Variants in MSH6 observed in about 807,000 individuals in gnomAD.
MSH6 encodes the protein DNA mismatch repair protein Msh6.
In MSH6, 85 loss-of-function variants were observed where a neutral mutation model predicts 119.1. That is an observed-to-expected ratio of 0.71 (90% CI 0.60 to 0.85). The LOEUF (loss-of-function observed/expected upper bound fraction) is 0.85. Among genes scored for constraint, MSH6 ranks in the 40% least tolerant of loss-of-function variants. The pLI is 0.00. For missense variants in MSH6, 2,163 were observed against 1,655.3 expected, an observed-to-expected ratio of 1.31 and a Z score of -5.32; for synonymous variants, 830 against 586.9, an observed-to-expected ratio of 1.41 and a Z score of -5.99.
downstream of MSH6, chr2:47,808,533 C>T (rs1558399630): frequency 6.1e-6 from 6 of 979,680 alleles, no homozygotes; most frequent in East Asian, 5.2e-5. Flanking sequence ...AGGACCAAAA[C>T]AAAATTCTTT....
At chr2:47,788,906 CCTTTTTTTTTTTTTTGTTTTTTTT>C (rs1425801261) in intron 1 of MSH6, among the ~76,000 whole-genome samples, 19 of 15,836 alleles carry the variant, frequency 1.2e-3, no homozygotes, top group East Asian at 2.5e-3. Context: ...CTTTCTTCTT[CCTTTTTTTTTTTTTTGTTTTTTTT>C]TTTTTTTTTT....
intron 4 of MSH6, among the ~76,000 whole-genome samples, chr2:47,802,534 G>C (rs1047831997): frequency 6.6e-6 from 1 of 151,026 alleles, no homozygotes; most frequent in Admixed American, 6.6e-5. Context: ...TTTTTCCCGT[G>C]TTGGCCAGGC....
chr2:47,789,456 A>C (rs1308130691), intron 1 of MSH6: 1 of 462,160 alleles, frequency 2.2e-6, no homozygotes, highest in South Asian at 1.7e-5. Flanking sequence ...AACAAATGGA[A>C]GACATTATTT....
Position 47,799,369 on chromosome 2 carries a change from T to G in MSH6, c.1386T>G (p.Pro462=), listed in dbSNP as rs786202869. The change falls in exon 4 of 10, where the codon CCT becomes CCG. Residue 462 remains proline (P), a synonymous_variant. Transcript: ENST00000234420. ...GCAACTGGGCCCATTCTGGCTTTCC[T>G]GAAATTGCATTTGGCCGTTATTCAG... ...MKGNWAHSGF[P]EIAFGRYSDS... 1.2e-6 allele frequency: 2 copies of G among 1,614,166 alleles called. No individual in the cohort carries two copies. The highest frequency in any genetic ancestry group is 2.2e-5 in the South Asian group (2 of 91,084).
intron 1 of MSH6, among the ~76,000 whole-genome samples, chr2:47,785,259 G>A (rs1427756097): frequency 6.6e-6 from 1 of 152,010 alleles, no homozygotes; most frequent in African/African-American, 2.4e-5. Context: ...ATGGAGTCTC[G>A]CTCTGTCGCC....
chr2:47,783,779 G>T, intron 1 of MSH6: 1 of 530,906 alleles, frequency 1.9e-6, no homozygotes. Context: ...GTCCCGCCAG[G>T]TGGGGGTGCT....
downstream of MSH6, chr2:47,806,982 T>G: frequency 2.6e-6 from 2 of 771,898 alleles, no homozygotes; most frequent in Non-Finnish European, 4.4e-6. Flanking sequence ...TCTAGGAAAT[T>G]AAACCCTTTT....
At chr2:47,786,729 T>TC (rs1444227582) in intron 1 of MSH6, among the ~76,000 whole-genome samples, 22 of 152,116 alleles carry the variant, frequency 1.4e-4, no homozygotes, top group Admixed American at 3.9e-4. Flanking sequence ...CTTTTTTTTT[T>TC]CCTAGTTCTT....
At position 47,806,883 on chromosome 2, in the gene MSH6, A is replaced by C; in HGVS notation, c.*23A>C. 2.6e-6 allele frequency: 4 copies of C among 1,550,224 alleles called. No individual in the cohort carries two copies. The South Asian group carries it at 3.3e-5, about 13-fold the overall frequency. The stretch of plus-strand genomic sequence containing the variant: ...TAGACTGACTACATTGGAAGCTTTG[A>C]GTTGACTTCTGACAAAGGTGGTAAA... On this transcript the variant is annotated 3_prime_UTR_variant, in exon 10 of 10. Coordinates refer to ENST00000234420, the MANE Select transcript of MSH6 (RefSeq NM_000179.3).
chr2:47,791,082 C>G lies in MSH6; in HGVS notation c.416C>G (p.Thr139Arg), dbSNP rs1443147770. The part of the protein sequence containing the change: ...VHVQFFDDSP[T>R]RGWVSKRLLK... ...GTACAGTTTTTTGATGACAGCCCAA[C>G]AAGGGGCTGGGTTAGCAAAAGGCTT... The change falls in exon 2 of 10, where the codon ACA becomes AGA. Residue 139 changes from threonine to arginine, a missense_variant. Physicochemically the swap from Thr to Arg is moderately conservative, Grantham distance 71. Transcript: ENST00000234420. The G allele has an allele frequency of 1.2e-6, 2 of 1,614,138 alleles. No individual in the cohort carries two copies. Among genetic ancestry groups the G allele is most frequent in the Non-Finnish European group, 1.7e-6 (2 of 1,180,030 alleles).
At chr2:47,795,832 G>C (rs1558656323) in intron 2 of MSH6, 62 bp from the exon 3 acceptor site, 1 of 1,465,040 alleles carries the variant, frequency 6.8e-7, no homozygotes, top group Non-Finnish European at 9.5e-7. Flanking sequence ...TTGAACTGCT[G>C]GGATTACAGG....
At chr2:47,803,251 C>T (rs563979108) in intron 4 of MSH6, among the ~76,000 whole-genome samples, 169 bp from the exon 5 acceptor site, 3 of 152,200 alleles carry the variant, frequency 2.0e-5, no homozygotes, top group African/African-American at 7.2e-5. Flanking sequence ...CTTGGCACTT[C>T]TATGGTCCAG....
intron 1 of MSH6, among the ~76,000 whole-genome samples, chr2:47,785,674 T>C (rs568776993): frequency 6.6e-6 from 1 of 152,306 alleles, no homozygotes; most frequent in African/African-American, 2.4e-5. Flanking sequence ...TGTGCATTAG[T>C]AGAATATGCT....
At chr2:47,796,153 T>C in intron 3 of MSH6, 90 bp downstream of exon 3, 1 of 1,292,890 alleles carries the variant, frequency 7.7e-7, no homozygotes, top group Non-Finnish European at 1.1e-6. Flanking sequence ...CCTTGTTTTA[T>C]ATATGTGTGT....
rs756569687 is a variant in MSH6, at chr2:47,806,194, A to C, written c.3647-10A>C. The C allele has an allele frequency of 6.2e-7, 1 of 1,613,038 alleles. No homozygotes were observed. The highest frequency in any genetic ancestry group is 1.3e-5 in the African/African-American group (1 of 74,866). On this transcript the variant is annotated splice_polypyrimidine_tract_variant and intron_variant, in intron 7 of 9. Coordinates refer to ENST00000234420, the MANE Select transcript of MSH6 (RefSeq NM_000179.3). ...TGAGTTACTTCCTTATGCATATTTTACTTTAACAGGAAGAGGTACTGCAAC... is the reference window on the plus strand; with the variant it reads ...TGAGTTACTTCCTTATGCATATTTTCCTTTAACAGGAAGAGGTACTGCAAC...
chr2:47,809,710 G>A (rs1670475380), downstream of MSH6: 2 of 1,601,470 alleles, frequency 1.2e-6, no homozygotes, highest in Non-Finnish European at 1.7e-6. Flanking sequence ...TTCAATACCT[G>A]AAGTAAAATT....
At chr2:47,808,661 TC>T (rs1670394473), downstream of MSH6, 1 of 416,986 alleles carries the variant, frequency 2.4e-6, no homozygotes, top group Non-Finnish European at 4.2e-6. Flanking sequence ...GGCAGTTCTT[TC>T]CACTTTAAAA....
intron 1 of MSH6, among the ~76,000 whole-genome samples, chr2:47,785,862 T>G (rs910025301): frequency 1.3e-5 from 2 of 152,248 alleles, no homozygotes; most frequent in African/African-American, 4.8e-5. Context: ...AGGTTGAGTT[T>G]AAGAGACTTG....
At position 47,783,152 on chromosome 2, in the gene MSH6, C is replaced by T. The variant is rs2103926379; in HGVS notation, c.-82C>T. 3 of 1,579,324 alleles carry T rather than the reference C, an allele frequency of 1.9e-6. No individual in the cohort carries two copies. Among genetic ancestry groups the T allele is most frequent in the Admixed American group, 1.7e-5 (1 of 57,668 alleles). On this transcript the variant is annotated 5_prime_UTR_variant, in exon 1 of 10. Transcript: ENST00000234420. Reference sequence around the variant, plus strand: ...CGGAGCGCGCCTCCCCCCAGATTTCCCGCCAGCAGGAGCCGCGCGGTAGAT... The same window carrying T: ...CGGAGCGCGCCTCCCCCCAGATTTCTCGCCAGCAGGAGCCGCGCGGTAGAT...
Sources: gnomAD v4.1 joint callset for allele counts (sites outside exome capture counted in the v4.1 genomes callset) on GRCh38, gnomAD v4.1.1 for gene constraint, MANE v1.5 for transcripts, NCBI Gene and HGNC (gene_info 2026-07-23, HGNC 2026-07-21) for gene names.